GSG1L: variants seen among roughly 807,000 people sequenced by gnomAD.
GSG1L encodes the protein germ cell-specific gene 1-like protein.
In GSG1L, 24 loss-of-function variants were observed where a neutral mutation model predicts 42.1. The ratio of observed to expected loss-of-function variants is 0.57; its 90% CI spans 0.41 to 0.80. GSG1L has a LOEUF of 0.80. Among genes scored for constraint, GSG1L ranks in the 30% least tolerant of loss-of-function variants. GSG1L has a pLI of 0.00. For synonymous variants in GSG1L, 215 were observed against 203.5 expected (o/e 1.06, Z -0.48); for missense variants, 445 against 472.2 (o/e 0.94, Z 0.53).
rs1436315556 is a variant in GSG1L, at chr16:27,787,894, C to G, written c.*3476G>C. 1 of 152,204 alleles carries G rather than the reference C, an allele frequency of 6.6e-6. No homozygotes were observed. The highest frequency in any genetic ancestry group is 2.4e-5 in the African/African-American group (1 of 41,442). The allele number at this position is 152,204 out of a possible 1,614,324, so 9.4% of individuals were successfully genotyped here. On this transcript the variant is annotated 3_prime_UTR_variant, in exon 7 of 7. Coordinates refer to ENST00000447459, the MANE Select transcript of GSG1L (RefSeq NM_001109763.2). ...CGCCCTCTCTTGCATGAGGCCAAAG[C>G]CCAAATTCCTTGTTCTGACATTCAA...
chr16:27,999,135 G>T (rs2085552427), intron 1 of GSG1L, among the ~76,000 whole-genome samples: 1 of 152,160 alleles, frequency 6.6e-6, no homozygotes, highest in Non-Finnish European at 1.5e-5. Flanking sequence ...GCATAATAGG[G>T]TTTAATATTT....
At chr16:27,890,008 C>T (rs1032323471) in intron 2 of GSG1L, among the ~76,000 whole-genome samples, 1 of 152,184 alleles carries the variant, frequency 6.6e-6, no homozygotes, top group East Asian at 1.9e-4. Context: ...AGTCTAGATT[C>T]AAACTCATGC....
chr16:27,914,502 CT>C (rs1209348374), intron 2 of GSG1L, among the ~76,000 whole-genome samples: 1 of 151,352 alleles, frequency 6.6e-6, no homozygotes, highest in Non-Finnish European at 1.5e-5. Context: ...AGCGTTTTCT[CT>C]TTCTTTTCCT....
intron 2 of GSG1L, among the ~76,000 whole-genome samples, chr16:27,937,492 T>C (rs988585263): frequency 6.6e-6 from 1 of 152,232 alleles, no homozygotes; most frequent in Non-Finnish European, 1.5e-5. Context: ...TCTGTCTGCC[T>C]TGGCCTCCCA....
chr16:28,055,071 A>C (rs1212172727), intron 1 of GSG1L, among the ~76,000 whole-genome samples: 1 of 152,180 alleles, frequency 6.6e-6, no homozygotes, highest in African/African-American at 2.4e-5. Flanking sequence ...ACCCGAGGGA[A>C]GGTCCAGCCT....
chr16:27,923,247 C>G (rs1243380710), intron 2 of GSG1L, among the ~76,000 whole-genome samples: 5 of 152,218 alleles, frequency 3.3e-5, no homozygotes, highest in Admixed American at 3.3e-4. Context: ...GCACTCAGCA[C>G]ACCACAGCCA....
At chr16:27,819,808 A>G (rs966050596) in intron 5 of GSG1L, among the ~76,000 whole-genome samples, 20 of 152,234 alleles carry the variant, frequency 1.3e-4, no homozygotes, top group African/African-American at 4.6e-4. Context: ...TACCCTGATG[A>G]CGTTAGCATA....
intron 1 of GSG1L, among the ~76,000 whole-genome samples, chr16:28,027,317 G>A (rs1451208861): frequency 1.3e-5 from 2 of 152,148 alleles, no homozygotes; most frequent in Non-Finnish European, 2.9e-5. Context: ...GAATAGACAT[G>A]TGATATAAAT....
In GSG1L at chr16:28,063,343, G is replaced by A. The variant is rs1465968628; in HGVS notation, c.82C>T (p.Leu28Phe). 8.5e-6 allele frequency: 12 copies of A among 1,406,564 alleles called. No individual in the cohort carries two copies. Among genetic ancestry groups the A allele is most frequent in the Middle Eastern group, 2.3e-4 (1 of 4,388 alleles). The allele number at this position is 1,406,564 out of a possible 1,614,324, so 87.1% of individuals were successfully genotyped here. A position where few individuals can be genotyped will look rare whatever the true frequency, so the allele number is the denominator to read the frequency against. ...LALLFATTAF[L>F]TTHWCQGTQR... ...GTGCCCTGGCACCAGTGCGTGGTGA[G>A]GAAAGCGGTGGTGGCGAACAGCAGC... Residue 28 changes from leucine (L) to phenylalanine (F), a missense_variant, in exon 1 of 7, where the codon CTC becomes TTC. Coordinates refer to ENST00000447459, the MANE Select transcript of GSG1L (RefSeq NM_001109763.2). The surrounding 1 kb of genome is among the most constrained non-coding windows in gnomAD (Gnocchi z 5.8).
At chr16:27,861,001 T>C (rs996838769) in intron 3 of GSG1L, among the ~76,000 whole-genome samples, 1 of 152,200 alleles carries the variant, frequency 6.6e-6, no homozygotes, top group Non-Finnish European at 1.5e-5. Context: ...TGGTGGGGAA[T>C]GCAGGGGGGT....
At chr16:27,887,409 G>A (rs4788002) in intron 2 of GSG1L, among the ~76,000 whole-genome samples, 58,724 of 152,104 alleles carry the variant, frequency 0.39, 13,365 homozygotes, top group East Asian at 0.5. Flanking sequence ...TGATGACATT[G>A]TTTGAGCCCC....
chr16:27,835,480 A>G (rs2083312949), intron 4 of GSG1L, among the ~76,000 whole-genome samples: 1 of 152,078 alleles, frequency 6.6e-6, no homozygotes, highest in African/African-American at 2.4e-5. Flanking sequence ...TAATTGGTGT[A>G]TTTAAACCAT....
At chr16:28,031,609 C>G (rs972817391) in intron 1 of GSG1L, among the ~76,000 whole-genome samples, 1 of 152,050 alleles carries the variant, frequency 6.6e-6, no homozygotes, top group African/African-American at 2.4e-5. Flanking sequence ...ATGGATGCAC[C>G]CATTTGTTCA....
chr16:27,951,373 T>C (rs562988340), intron 2 of GSG1L, among the ~76,000 whole-genome samples: 1 of 152,338 alleles, frequency 6.6e-6, no homozygotes, highest in African/African-American at 2.4e-5. Context: ...CCTGCCTTTC[T>C]GTGTCTTGAA....
intron 2 of GSG1L, among the ~76,000 whole-genome samples, chr16:27,953,135 C>T (rs2084967502): frequency 6.6e-6 from 1 of 152,122 alleles, no homozygotes; most frequent in Non-Finnish European, 1.5e-5. Flanking sequence ...CTATGTCATC[C>T]AGCCTGGATT....
intron 1 of GSG1L, among the ~76,000 whole-genome samples, chr16:27,998,739 G>A (rs7197995): frequency 0.41 from 62,578 of 151,774 alleles, 15,374 homozygotes; most frequent in East Asian, 0.69. Flanking sequence ...AGCTGTGATC[G>A]CGCCACTGCC....
intron 5 of GSG1L, among the ~76,000 whole-genome samples, chr16:27,818,386 T>C (rs2083118733): frequency 6.6e-6 from 1 of 152,196 alleles, no homozygotes; most frequent in Non-Finnish European, 1.5e-5. Context: ...GGGTGCTGGC[T>C]GACGATCCGA....
chr16:28,042,117 G>A lies in GSG1L; in HGVS notation c.349+20959C>T, dbSNP rs147737709. On this transcript the variant is annotated intron_variant, in intron 1 of 6. Transcript: ENST00000447459. ...ATGATCACATCACCAGGAGGTGAGA[G>A]GGAGATCCTATCTCCAGCTAGTAAA... Among the ~76,000 whole-genome samples the A allele has an allele frequency of 4.8e-3, 727 of 152,296 alleles. 4 individuals carry two copies. Among genetic ancestry groups the A allele is most frequent in the Middle Eastern group, 0.014 (4 of 294 alleles).
At chr16:27,808,737 C>T (rs2082996695) in intron 5 of GSG1L, among the ~76,000 whole-genome samples, 2 of 152,214 alleles carry the variant, frequency 1.3e-5, no homozygotes, top group African/African-American at 4.8e-5. Flanking sequence ...CTCCCAAATT[C>T]TGGTACAGTG....
Sources: gnomAD v4.1 joint callset for allele counts (sites outside exome capture counted in the v4.1 genomes callset) on GRCh38, gnomAD v4.1.1 for gene constraint, Gnocchi (gnomAD v3.1) non-coding constraint, MANE v1.5 for transcripts, NCBI Gene and HGNC (gene_info 2026-07-23, HGNC 2026-07-21) for gene names.